The following GREB1 variants were observed in gnomAD, a reference collection of about 807,000 sequenced individuals.
GREB1 encodes the protein protein GREB1.
In GREB1, 106 loss-of-function variants were observed where a neutral mutation model predicts 200.7. The ratio of observed to expected loss-of-function variants is 0.53; its 90% CI spans 0.45 to 0.62. The LOEUF (loss-of-function observed/expected upper bound fraction) is 0.62. Ranked by LOEUF, GREB1 falls within the 20% of genes least tolerant of loss-of-function variation. GREB1 has a pLI of 0.00. For missense variants in GREB1, 2,243 were observed against 2,556.8 expected (o/e 0.88, Z 2.65); for synonymous variants, 1,132 against 1,092.4 (o/e 1.04, Z -0.72).
intron 1 of GREB1, among the ~76,000 whole-genome samples, chr2:11,483,665 G>T (rs1672572214): frequency 6.8e-6 from 1 of 147,788 alleles, no homozygotes. Flanking sequence ...AACAAAGGCT[G>T]CTTCCCCGAA....
At chr2:11,617,048 C>T (rs750694725) in intron 21 of GREB1, among the ~76,000 whole-genome samples, 27 of 152,294 alleles carry the variant, frequency 1.8e-4, no homozygotes, top group Middle Eastern at 3.4e-3. Context: ...TTCTCCCTGC[C>T]GTTGTTGGTT....
At chr2:11,532,966 CT>C (rs1315356557), upstream of GREB1, among the ~76,000 whole-genome samples, 1 of 152,138 alleles carries the variant, frequency 6.6e-6, no homozygotes, top group Non-Finnish European at 1.5e-5. Context: ...GCCAAGAAAA[CT>C]GAGGCTCTGG....
intron 31 of GREB1, 83 bp downstream of exon 31, chr2:11,637,999 C>T: frequency 1.7e-6 from 2 of 1,198,756 alleles, no homozygotes; most frequent in Non-Finnish European, 2.4e-6. Flanking sequence ...GACTCTGAAT[C>T]CTAAGTCCTC....
intron 1 of GREB1, among the ~76,000 whole-genome samples, chr2:11,550,266 G>A (rs6745409): frequency 0.076 from 11,543 of 152,244 alleles, 444 homozygotes; most frequent in Middle Eastern, 0.099. Flanking sequence ...CTGGTTGACT[G>A]CTGGGCCTCA....
At chr2:11,508,361 T>C (rs1055778259) in intron 1 of GREB1, among the ~76,000 whole-genome samples, 10 of 152,236 alleles carry the variant, frequency 6.6e-5, no homozygotes, top group African/African-American at 2.2e-4. Context: ...TCGGGACACA[T>C]GAGGCTGGCG....
At chr2:11,622,192 T>A (rs954834321) in intron 23 of GREB1, among the ~76,000 whole-genome samples, 22 of 152,194 alleles carry the variant, frequency 1.4e-4, no homozygotes, top group African/African-American at 5.3e-4. Context: ...GTGATTCTCT[T>A]GTCTCAGCCT....
chr2:11,560,243 A>G (rs552417954), intron 2 of GREB1, among the ~76,000 whole-genome samples: 48 of 152,264 alleles, frequency 3.2e-4, no homozygotes, highest in African/African-American at 9.1e-4. Context: ...TAGTATGGAA[A>G]CTTGAGCTCC....
intron 32 of GREB1, among the ~76,000 whole-genome samples, chr2:11,639,430 C>T (rs1227202147): frequency 1.3e-5 from 2 of 152,220 alleles, no homozygotes; most frequent in Non-Finnish European, 2.9e-5. Context: ...ATCGGTGTCC[C>T]AGTCGTTGCT....
At chr2:11,538,838 T>A (rs1352334025) in intron 1 of GREB1, among the ~76,000 whole-genome samples, 2 of 115,210 alleles carry the variant, frequency 1.7e-5, no homozygotes, top group Non-Finnish European at 3.5e-5. Context: ...CCTCCCTCCC[T>A]CCATCCCTTC....
chr2:11,535,246 G>T (rs562680589), intron 1 of GREB1, among the ~76,000 whole-genome samples: 17 of 152,218 alleles, frequency 1.1e-4, no homozygotes, highest in Admixed American at 1.1e-3. Context: ...GTCCCCCCAG[G>T]TATGCACCCT....
chr2:11,538,987 C>T (rs114908739), intron 1 of GREB1, among the ~76,000 whole-genome samples: 6 of 100,116 alleles, frequency 6.0e-5, no homozygotes, highest in African/African-American at 3.2e-4. Context: ...CCCTCCTCTC[C>T]TCTCTTCTCC....
chr2:11,611,166 C>T (rs766814662), intron 18 of GREB1, 139 bp downstream of exon 18: 5 of 681,418 alleles, frequency 7.3e-6, no homozygotes, highest in Non-Finnish European at 1.3e-5. Flanking sequence ...CCTCAGCCTC[C>T]TCTCTGTGCT....
At chr2:11,634,384 G>T (rs1206589645) in intron 29 of GREB1, 35 bp downstream of exon 29, 1 of 1,548,694 alleles carries the variant, frequency 6.5e-7, no homozygotes, top group Non-Finnish European at 8.8e-7. Context: ...GGCGGCGGCA[G>T]CCCTGGGGGC....
intron 6 of GREB1, among the ~76,000 whole-genome samples, chr2:11,578,813 A>G (rs1679164636): frequency 6.6e-6 from 1 of 152,192 alleles, no homozygotes; most frequent in Admixed American, 6.5e-5. Flanking sequence ...CCCCGTGCTC[A>G]GCACTCCCCA....
intron 22 of GREB1, among the ~76,000 whole-genome samples, chr2:11,620,062 C>T (rs1005638636): frequency 2.6e-5 from 4 of 152,182 alleles, no homozygotes; most frequent in Admixed American, 6.5e-5. Context: ...CCGCAGCCTC[C>T]GCCTCCCGGG....
At chr2:11,527,033 GCCCTCCATCCTT>G (rs1314823703) in intron 1 of GREB1, among the ~76,000 whole-genome samples, 2 of 152,062 alleles carry the variant, frequency 1.3e-5, no homozygotes, top group South Asian at 2.1e-4. Flanking sequence ...CCCACATCCT[GCCCTCCATCCTT>G]CCACTACAGT....
intron 1 of GREB1, among the ~76,000 whole-genome samples, chr2:11,496,309 G>A (rs745649902): frequency 6.6e-6 from 1 of 152,136 alleles, no homozygotes; most frequent in Non-Finnish European, 1.5e-5. Flanking sequence ...CCACGGATGG[G>A]AACAAAAATG....
chr2:11,632,816 G>A (rs1181983715), intron 27 of GREB1, 73 bp from the exon 28 acceptor site: 4 of 1,376,382 alleles, frequency 2.9e-6, no homozygotes, highest in African/African-American at 1.4e-5. Context: ...CCGACAGCAG[G>A]TCTGCCTGGG....
intron 17 of GREB1, 125 bp downstream of exon 17, chr2:11,602,667 CA>C (rs1373036442): frequency 1.3e-6 from 1 of 759,670 alleles, no homozygotes; most frequent in Non-Finnish European, 2.3e-6. Flanking sequence ...TCAGTTTCTC[CA>C]CTAAATGTAC....
Sources: allele counts gnomAD v4.1 joint callset (sites outside exome capture counted in the v4.1 genomes callset), GRCh38; gene constraint gnomAD v4.1.1; transcripts MANE v1.5; gene names NCBI Gene and HGNC (gene_info 2026-07-23, HGNC 2026-07-21).